The following LNX1 variants were observed in gnomAD, a reference collection of about 807,000 sequenced individuals.
LNX1 encodes the protein E3 ubiquitin-protein ligase LNX.
LNX1 carries 54 observed loss-of-function variants against 68.4 expected under a neutral mutation model. The ratio of observed to expected loss-of-function variants is 0.79; its 90% CI spans 0.63 to 0.99. LNX1 has a LOEUF of 0.99. Ranked by LOEUF, LNX1 falls within the 50% of genes least tolerant of loss-of-function variation. LNX1 has a pLI of 0.00. For synonymous variants in LNX1, 336 were observed against 350.0 expected (o/e 0.96, Z 0.45); for missense variants, 906 against 926.4 (o/e 0.98, Z 0.29).
At chr4:53,559,462 T>C (rs1017483200) in intron 2 of LNX1, among the ~76,000 whole-genome samples, 3 of 152,184 alleles carry the variant, frequency 2.0e-5, no homozygotes, top group Non-Finnish European at 4.4e-5. Flanking sequence ...GTTAGAGTTC[T>C]AGCTCTGCTG....
chr4:53,612,935 T>C (rs1733550279), intron 2 of LNX1, among the ~76,000 whole-genome samples: 1 of 151,750 alleles, frequency 6.6e-6, no homozygotes, highest in Non-Finnish European at 1.5e-5. Flanking sequence ...GGAAGAATTT[T>C]AAAGGATATC....
At chr4:53,602,217 A>C (rs1176263078) in intron 2 of LNX1, among the ~76,000 whole-genome samples, 1 of 152,208 alleles carries the variant, frequency 6.6e-6, no homozygotes, top group African/African-American at 2.4e-5. Flanking sequence ...TGACATCACC[A>C]TCTATTCTAG....
At chr4:53,498,469 CAA>C (rs927220467) in intron 5 of LNX1, among the ~76,000 whole-genome samples, 170 bp downstream of exon 5, 1 of 152,046 alleles carries the variant, frequency 6.6e-6, no homozygotes, top group African/African-American at 2.4e-5. Context: ...CAGAGAGAAA[CAA>C]AGATCTCAAT....
chr4:53,543,832 G>GA (rs1251970060), intron 2 of LNX1, among the ~76,000 whole-genome samples: 1 of 151,932 alleles, frequency 6.6e-6, no homozygotes, highest in Non-Finnish European at 1.5e-5. Context: ...AACTGGGAAA[G>GA]AAAAAACAAA....
intron 6 of LNX1, among the ~76,000 whole-genome samples, chr4:53,486,612 T>C (rs1724311419): frequency 6.6e-6 from 1 of 152,016 alleles, no homozygotes; most frequent in Non-Finnish European, 1.5e-5. Flanking sequence ...GAAAGAGAAA[T>C]GGGGAATATA....
intron 1 of LNX1, among the ~76,000 whole-genome samples, chr4:53,642,494 G>C (rs557498663): frequency 6.6e-6 from 1 of 152,150 alleles, no homozygotes; most frequent in Non-Finnish European, 1.5e-5. Flanking sequence ...GTCCTGAGGG[G>C]CCAGCACCAG....
chr4:53,540,366 G>C (rs187838593), intron 2 of LNX1, among the ~76,000 whole-genome samples: 1 of 148,308 alleles, frequency 6.7e-6, no homozygotes, highest in Non-Finnish European at 1.5e-5. Flanking sequence ...CTGAGTGAGA[G>C]TGAGACCCTG....
At chr4:53,621,402 C>T (rs1176600221), upstream of LNX1, among the ~76,000 whole-genome samples, 1 of 152,156 alleles carries the variant, frequency 6.6e-6, no homozygotes, top group East Asian at 1.9e-4. Flanking sequence ...ATCTCCAGGA[C>T]AGGGAGACTG....
intron 2 of LNX1, among the ~76,000 whole-genome samples, chr4:53,552,213 T>A (rs947759143): frequency 3.9e-5 from 6 of 152,200 alleles, no homozygotes; most frequent in African/African-American, 1.4e-4. Context: ...CCCGCCTAGC[T>A]GTCTTGTTGA....
At chr4:53,624,938 C>A (rs1487620583) in intron 1 of LNX1, among the ~76,000 whole-genome samples, 5 of 152,108 alleles carry the variant, frequency 3.3e-5, no homozygotes, top group African/African-American at 7.2e-5. Flanking sequence ...AAAATGATTT[C>A]AGTTAAGGAA....
upstream of LNX1, among the ~76,000 whole-genome samples, chr4:53,594,657 C>A (rs1464028): frequency 0.27 from 40,529 of 151,882 alleles, 5,424 homozygotes; most frequent in East Asian, 0.35. Flanking sequence ...GTTGGTTTTA[C>A]CCCCCAAGAT....
chr4:53,644,874 C>T lies in LNX1; in HGVS notation c.-215+7294G>A, dbSNP rs538053845. 7.2e-5 allele frequency among the ~76,000 whole-genome samples: 11 copies of T among 152,224 alleles called. No individual in the cohort carries two copies. In the South Asian group the frequency reaches 1.2e-3, roughly 17 times the overall value. On this transcript the variant is annotated intron_variant, in intron 1 of 2. Coordinates refer to the LNX1 transcript ENST00000507168. ...TCAGAGTAAGGGAGAGATGTGGTAA[C>T]AGGGAGGAGGAAGTCTGGGTAAGGA... is the stretch of plus-strand genomic sequence containing the variant.
intron 1 of LNX1, among the ~76,000 whole-genome samples, chr4:53,585,890 G>A (rs1451174153): frequency 6.6e-6 from 1 of 152,080 alleles, no homozygotes; most frequent in Non-Finnish European, 1.5e-5. Flanking sequence ...GAAATACAGG[G>A]GTTACATATT....
At chr4:53,602,185 G>T (rs987362137) in intron 2 of LNX1, among the ~76,000 whole-genome samples, 6 of 152,200 alleles carry the variant, frequency 3.9e-5, no homozygotes, top group Admixed American at 3.9e-4. Flanking sequence ...GTGATAAGGG[G>T]ATGGATCCAA....
chr4:53,501,299 T>TTTGTGGGGGG (rs56165716), intron 4 of LNX1, among the ~76,000 whole-genome samples: 1 of 38,792 alleles, frequency 2.6e-5, no homozygotes, highest in Non-Finnish European at 6.9e-5. Context: ...TTTTTTTTTT[T>TTTGTGGGGGG]GGGGGTGGGG....
chr4:53,476,843 C>T lies in LNX1; in HGVS notation c.1802G>A (p.Cys601Tyr). 1 of 1,614,210 alleles carries T rather than the reference C, an allele frequency of 6.2e-7. No individual in the cohort carries two copies. The highest frequency in any genetic ancestry group is 8.5e-7 in the Non-Finnish European group (1 of 1,180,038). ...EVKEYEPQED[C>Y]SSPAALDSNH... is the part of the protein sequence containing the mutation. ...GGAGTCCAGGGCTGCTGGGCTGCTG[C>T]AGTCTTCCTGGGGCTCATACTCTTT... The change falls in exon 9 of 11, where the codon TGC becomes TAC. Residue 601 changes from cysteine to tyrosine, a missense_variant. By Grantham distance (194) the Cys-to-Tyr change is radical. Coordinates refer to ENST00000263925, the MANE Select transcript of LNX1 (RefSeq NM_001126328.3).
rs1726049111 is a variant in LNX1, at chr4:53,508,108, G to A, written c.500C>T (p.Ala167Val). 6.2e-7 allele frequency: 1 copy of A among 1,614,148 alleles called. No individual in the cohort carries two copies. The highest frequency in any genetic ancestry group is 1.3e-5 in the African/African-American group (1 of 75,046). Residue 167 changes from alanine to valine, a missense_variant, in exon 3 of 11, where the codon GCT becomes GTT. Physicochemically the swap from Ala to Val is moderately conservative, Grantham distance 64. Transcript: ENST00000263925. ...ATAPSPEVSA[A>V]ATISLMTDEP... ...GTCTGTCATTAAGGAGATGGTGGCA[G>A]CTGCAGAAACCTCTGGGGAGGGAGC...
chr4:53,625,630 C>G (rs556657111), intron 1 of LNX1, among the ~76,000 whole-genome samples: 1 of 152,080 alleles, frequency 6.6e-6, no homozygotes, highest in South Asian at 2.1e-4. Context: ...CACCCTGTCT[C>G]TACAAAATAA....
chr4:53,503,133 C>T (rs1026757160), intron 4 of LNX1, among the ~76,000 whole-genome samples: 18 of 152,124 alleles, frequency 1.2e-4, no homozygotes, highest in African/African-American at 4.3e-4. Flanking sequence ...AGTTACTTTT[C>T]TCCACTGAAG....
Sources: gnomAD v4.1 joint callset for allele counts (sites outside exome capture counted in the v4.1 genomes callset) on GRCh38, gnomAD v4.1.1 for gene constraint, MANE v1.5 for transcripts, NCBI Gene and HGNC (gene_info 2026-07-23, HGNC 2026-07-21) for gene names.